ATP8A2: variants seen among roughly 807,000 people sequenced by gnomAD.
ATP8A2 encodes the protein phospholipid-transporting ATPase IB.
ATP8A2 carries 100 observed loss-of-function variants against 165.6 expected under a neutral mutation model. The ratio of observed to expected loss-of-function variants is 0.60; its 90% CI spans 0.51 to 0.71. The LOEUF (loss-of-function observed/expected upper bound fraction) is 0.71. Ranked by LOEUF, ATP8A2 falls within the 30% of genes least tolerant of loss-of-function variation. The probability of loss-of-function intolerance (pLI) is 0.00; values close to 1 mark genes in which losing one functional copy is unlikely to be tolerated. For missense variants in ATP8A2, 1,227 were observed against 1,479.5 expected (o/e 0.83, Z 2.80); for synonymous variants, 543 against 548.8 (o/e 0.99, Z 0.15).
chr13:25,533,218 A>C, intron 5 of ATP8A2, 55 bp from the exon 6 acceptor site: 1 of 912,550 alleles, frequency 1.1e-6, no homozygotes, highest in South Asian at 1.4e-5. Context: ...GATTTTAGGA[A>C]GCTGATTCAA....
intron 35 of ATP8A2, among the ~76,000 whole-genome samples, chr13:25,973,435 C>T (rs114126708): frequency 1.3e-5 from 2 of 152,216 alleles, no homozygotes; most frequent in African/African-American, 4.8e-5. Flanking sequence ...GGACAGGTGG[C>T]CTGGGATCCT....
At chr13:25,549,453 C>G (rs2038752151) in intron 10 of ATP8A2, among the ~76,000 whole-genome samples, 1 of 141,614 alleles carries the variant, frequency 7.1e-6, no homozygotes, top group Admixed American at 7.1e-5. Context: ...CGGTGAGACT[C>G]TGTCTCAAAA....
rs189125049 is a variant in ATP8A2 at position 25,391,744 on chromosome 13, G to A, written c.76+19456G>A. 1.8e-4 allele frequency among the ~76,000 whole-genome samples: 27 copies of A among 152,310 alleles called. No homozygotes were observed. The South Asian group carries it at 4.4e-3, about 25-fold the overall frequency. ...GAAACTTACATGTATGGATGCTGAC[G>A]TTTTTGCCCTTCCAGGAGGCCATAC... is the stretch of plus-strand genomic sequence containing the variant. On this transcript the variant is annotated intron_variant, in intron 1 of 36. Transcript: ENST00000381655.
At chr13:25,859,798 A>G (rs1224390459) in intron 30 of ATP8A2, among the ~76,000 whole-genome samples, 1 of 152,208 alleles carries the variant, frequency 6.6e-6, no homozygotes, top group Non-Finnish European at 1.5e-5. Flanking sequence ...ATTCCAATTT[A>G]GCAAAATGTA....
intron 2 of ATP8A2, among the ~76,000 whole-genome samples, chr13:25,470,516 A>C (rs1219600872): frequency 6.6e-6 from 1 of 152,172 alleles, no homozygotes; most frequent in African/African-American, 2.4e-5. Context: ...GAAAACAGTA[A>C]AAATGATGGA....
At chr13:25,610,093 T>C (rs1481723072) in intron 24 of ATP8A2, among the ~76,000 whole-genome samples, 1 of 152,174 alleles carries the variant, frequency 6.6e-6, no homozygotes, top group Non-Finnish European at 1.5e-5. Context: ...TTGTTTCTTC[T>C]GCTGTGCAGA....
intron 6 of ATP8A2, among the ~76,000 whole-genome samples, chr13:25,535,366 C>G (rs577635205): frequency 2.4e-4 from 36 of 152,308 alleles, no homozygotes; most frequent in African/African-American, 8.4e-4. Context: ...CTTTGATTGA[C>G]TTCGAGAGGA....
At chr13:25,721,232 G>C (rs1018400358) in intron 25 of ATP8A2, among the ~76,000 whole-genome samples, 1 of 146,408 alleles carries the variant, frequency 6.8e-6, no homozygotes, top group Non-Finnish European at 1.5e-5. Flanking sequence ...TAACAGTTTT[G>C]TTGAGTTACA....
rs1566229227 is a variant in ATP8A2 at position 25,531,264 on chromosome 13, TATATATGA to T, written c.420+605_420+612del. Among the ~76,000 whole-genome samples the T allele has an allele frequency of 4.7e-3, 461 of 98,972 alleles. 14 individuals carry two copies. Among genetic ancestry groups the T allele is most frequent in the African/African-American group, 0.015 (388 of 25,192 alleles). 64.9% of individuals were successfully genotyped at this position (98,972 alleles called of 152,430 possible). A position where few individuals can be genotyped will look rare whatever the true frequency, so the allele number is the denominator to read the frequency against. On this transcript the variant is annotated intron_variant, in intron 4 of 36. Coordinates refer to ENST00000381655, the MANE Select transcript of ATP8A2 (RefSeq NM_016529.6). Reference sequence around the variant, plus strand: ...TATATGTTATATATGATATATATGATATATATGATATATATGTTATATATGATATATAT... The same window carrying T: ...TATATGTTATATATGATATATATGATTATATATGTTATATATGATATATAT...
chr13:25,519,122 C>T (rs934653804), intron 2 of ATP8A2, among the ~76,000 whole-genome samples: 3 of 152,180 alleles, frequency 2.0e-5, no homozygotes, highest in African/African-American at 7.2e-5. Context: ...AGCTCTCCCA[C>T]CTTGGCGTTT....
At chr13:25,924,466 G>A (rs747185727) in intron 33 of ATP8A2, among the ~76,000 whole-genome samples, 8 of 152,030 alleles carry the variant, frequency 5.3e-5, no homozygotes, top group Admixed American at 1.3e-4. Flanking sequence ...CTTCACGTGC[G>A]GGCCTTCCTG....
intron 27 of ATP8A2, among the ~76,000 whole-genome samples, chr13:25,776,750 A>G (rs1361216818): frequency 2.0e-5 from 3 of 152,144 alleles, no homozygotes; most frequent in African/African-American, 7.2e-5. Context: ...GGGTATTAGA[A>G]TCTCTGTTTC....
At chr13:25,691,117 G>C (rs923373652) in intron 24 of ATP8A2, among the ~76,000 whole-genome samples, 2 of 152,194 alleles carry the variant, frequency 1.3e-5, no homozygotes, top group Non-Finnish European at 2.9e-5. Flanking sequence ...CTATGATTCT[G>C]TTTATATAAC....
In ATP8A2 at chr13:25,699,205, T is replaced by G; in HGVS notation, c.2244T>G (p.Thr748=). Residue 748 remains threonine (T), a synonymous_variant, in exon 25 of 37, where the codon ACT becomes ACG. Coordinates refer to ENST00000381655, the MANE Select transcript of ATP8A2 (RefSeq NM_016529.6). ...ATRAAITQHC[T]DLGNLLGKEN... is the part of the protein sequence containing the mutation. ...GGGCAGCCATTACTCAGCACTGCAC[T>G]GACCTTGGGAATTTGCTGGGCAAGG... 1 of 1,612,034 alleles carries G rather than the reference T, an allele frequency of 6.2e-7. No homozygotes were observed. Among genetic ancestry groups the G allele is most frequent in the South Asian group, 1.1e-5 (1 of 90,420 alleles).
intron 24 of ATP8A2, among the ~76,000 whole-genome samples, chr13:25,670,405 G>A (rs2042240568): frequency 1.3e-5 from 2 of 152,198 alleles, no homozygotes; most frequent in Admixed American, 1.3e-4. Flanking sequence ...GCTGGATGGA[G>A]TCTGAGGTGG....
chr13:25,830,457 A>G (rs76596434), intron 28 of ATP8A2, among the ~76,000 whole-genome samples: 3,312 of 152,228 alleles, frequency 0.022, 115 homozygotes, highest in African/African-American at 0.076. Context: ...CAGTGCAGGC[A>G]TTGAAGTGGG....
intron 35 of ATP8A2, among the ~76,000 whole-genome samples, chr13:26,000,311 T>C (rs1057092846): frequency 3.3e-5 from 5 of 152,248 alleles, no homozygotes; most frequent in African/African-American, 7.2e-5. Context: ...CGGTCAGTTG[T>C]AACTATTGAC....
rs191512362 is a variant in ATP8A2, at chr13:25,454,572, G to T, written c.77-14405G>T. Among the ~76,000 whole-genome samples the T allele has an allele frequency of 9.9e-5, 15 of 152,256 alleles. No homozygotes were observed. The East Asian group carries it at 1.2e-3, about 12-fold the overall frequency. On this transcript the variant is annotated intron_variant, in intron 1 of 36. Transcript: ENST00000381655. Reference sequence around the variant, plus strand: ...AGGTCTCAGACCGCACTGCCCATCCGATGGGACCCTCTCATACTGGGTTGG... The same window carrying T: ...AGGTCTCAGACCGCACTGCCCATCCTATGGGACCCTCTCATACTGGGTTGG...
intron 2 of ATP8A2, among the ~76,000 whole-genome samples, chr13:25,519,300 A>G (rs1001876631): frequency 1.3e-5 from 2 of 151,546 alleles, no homozygotes; most frequent in Non-Finnish European, 2.9e-5. Flanking sequence ...CAGCCAGTGT[A>G]CCCTTCTGTA....
Sources: gnomAD v4.1 joint callset for allele counts (sites outside exome capture counted in the v4.1 genomes callset) on GRCh38, gnomAD v4.1.1 for gene constraint, MANE v1.5 for transcripts, NCBI Gene and HGNC (gene_info 2026-07-23, HGNC 2026-07-21) for gene names.